The following GARNL3 variants were observed in gnomAD, a reference collection of about 807,000 sequenced individuals.
GARNL3 encodes the protein GTPase activating Rap/RanGAP domain like 3, also known as GTPase-activating Rap/Ran-GAP domain-like protein 3.
Under a neutral mutation model 125.0 loss-of-function variants are expected in GARNL3, and 63 were observed. The ratio of observed to expected loss-of-function variants is 0.50; its 90% CI spans 0.41 to 0.62. GARNL3 has a LOEUF of 0.62. Among genes scored for constraint, GARNL3 ranks in the 20% least tolerant of loss-of-function variants. The pLI is 0.00. For missense variants in GARNL3, 994 were observed against 1,244.0 expected, an observed-to-expected ratio of 0.80 and a Z score of 3.02; for synonymous variants, 439 against 457.5, an observed-to-expected ratio of 0.96 and a Z score of 0.52.
At chr9:127,275,641 A>T (rs562410350) in intron 1 of GARNL3, among the ~76,000 whole-genome samples, 22 of 152,216 alleles carry the variant, frequency 1.4e-4, no homozygotes, top group Non-Finnish European at 2.5e-4. Flanking sequence ...TTATATCACT[A>T]ATCAAATTTA....
chr9:127,235,968 C>G (rs2063105841), intron 1 of GARNL3, among the ~76,000 whole-genome samples: 1 of 152,078 alleles, frequency 6.6e-6, no homozygotes, highest in African/African-American at 2.4e-5. Flanking sequence ...ATGTTTATAT[C>G]TGATGGAAGT....
At chr9:127,307,927 T>G (rs572200087) in intron 2 of GARNL3, among the ~76,000 whole-genome samples, 2 of 152,352 alleles carry the variant, frequency 1.3e-5, no homozygotes, top group South Asian at 4.1e-4. Context: ...GCCAGCTTCC[T>G]TGGCTGGACT....
At chr9:127,297,503 A>G (rs146244979) in intron 2 of GARNL3, among the ~76,000 whole-genome samples, 379 of 152,186 alleles carry the variant, frequency 2.5e-3, no homozygotes, top group African/African-American at 8.8e-3. Context: ...ACATTTTCCT[A>G]TAGTATAACA....
Position 127,387,196 on chromosome 9 carries a change from G to A in GARNL3, c.2392G>A (p.Asp798Asn). The part of the protein sequence containing the change: ...PQLQLVASRS[D>N]IYFTATAAVN... Reference sequence around the variant, plus strand: ...AATGCTCTCTCTTCCTTTCTAGTCGGATATATACTTCACAGCAACTGCAGC... The same window carrying A: ...AATGCTCTCTCTTCCTTTCTAGTCGAATATATACTTCACAGCAACTGCAGC... Residue 798 changes from aspartate (D) to asparagine (N), a missense_variant, in exon 25 of 28, where the codon GAT becomes AAT. By Grantham distance (23) the Asp-to-Asn change is conservative. Around this residue, in one of 5 missense-constraint regions of GARNL3, gnomAD observed 728 missense variants for 865.7 expected, o/e 0.84. Transcript: ENST00000373387. The A allele has an allele frequency of 6.2e-7, 1 of 1,613,010 alleles. No individual in the cohort carries two copies. Among genetic ancestry groups the A allele is most frequent in the African/African-American group, 1.3e-5 (1 of 74,912 alleles).
At chr9:127,354,003 C>G in intron 18 of GARNL3, 59 bp downstream of exon 18, 1 of 1,135,920 alleles carries the variant, frequency 8.8e-7, no homozygotes, top group Non-Finnish European at 1.3e-6. Context: ...CCTTCTGCGG[C>G]CCACACCACA....
At chr9:127,232,275 T>A (rs1401101744) in intron 1 of GARNL3, among the ~76,000 whole-genome samples, 1 of 152,180 alleles carries the variant, frequency 6.6e-6, no homozygotes, top group African/African-American at 2.4e-5. Context: ...CTCCTTCAGC[T>A]ACTGAAGCAG....
Position 127,392,989 on chromosome 9 carries a change from C to G in GARNL3, c.2871-94C>G. On this transcript the variant is annotated intron_variant, in intron 27 of 27. Coordinates refer to ENST00000373387, the MANE Select transcript of GARNL3 (RefSeq NM_032293.5). This position sits in a 1 kb window ranked among gnomAD's most constrained non-coding sequence, Gnocchi z 5.2. ...CAGTGAGGGTTTGGTGAGCCAAACT[C>G]ATGAGCTCAGATGAGCAGGAAATTG... 1 of 1,052,584 alleles carries G rather than the reference C, an allele frequency of 9.5e-7. No individual in the cohort carries two copies. Among genetic ancestry groups the G allele is most frequent in the Non-Finnish European group, 1.4e-6 (1 of 718,374 alleles). 65.2% of individuals were successfully genotyped at this position (1,052,584 alleles called of 1,614,324 possible). A position where few individuals can be genotyped will look rare whatever the true frequency, so the allele number is the denominator to read the frequency against.
intron 5 of GARNL3, 51 bp downstream of exon 5, chr9:127,318,178 C>A: frequency 9.4e-7 from 1 of 1,068,974 alleles, no homozygotes; most frequent in Non-Finnish European, 1.5e-6. Flanking sequence ...GCCCTTTATA[C>A]ACTGTTTTTG....
chr9:127,294,423 C>A (rs2064522067), intron 2 of GARNL3, among the ~76,000 whole-genome samples: 2 of 152,142 alleles, frequency 1.3e-5, no homozygotes, highest in Admixed American at 1.3e-4. Flanking sequence ...TCTGCCTCAG[C>A]CTCCCAAGTA....
At chr9:127,374,287 G>A (rs545425239) in intron 22 of GARNL3, among the ~76,000 whole-genome samples, 11 of 151,164 alleles carry the variant, frequency 7.3e-5, no homozygotes, top group Non-Finnish European at 1.5e-4. Flanking sequence ...GGCAACAAGA[G>A]CAAAACTCTG....
In GARNL3 at chr9:127,264,825, G is replaced by C. The variant is rs2063667271; in HGVS notation, c.-53G>C. Reference sequence around the variant, plus strand: ...GTGTCTGTTGCAAGGAGGCTCCCCTGCAGTGAGGAGCCGGGGCACTGCAAG... The same window carrying C: ...GTGTCTGTTGCAAGGAGGCTCCCCTCCAGTGAGGAGCCGGGGCACTGCAAG... On this transcript the variant is annotated 5_prime_UTR_variant, in exon 1 of 28. Coordinates refer to ENST00000373387, the MANE Select transcript of GARNL3 (RefSeq NM_032293.5). 5 of 1,457,986 alleles carry C rather than the reference G, an allele frequency of 3.4e-6. No individual in the cohort carries two copies. Among genetic ancestry groups the C allele is most frequent in the Non-Finnish European group, 3.7e-6 (4 of 1,092,014 alleles). The allele number at this position is 1,457,986 out of a possible 1,614,324, so 90.3% of individuals were successfully genotyped here. A position where few individuals can be genotyped will look rare whatever the true frequency, so the allele number is the denominator to read the frequency against.
chr9:127,315,318 C>T (rs1437899043), intron 4 of GARNL3, among the ~76,000 whole-genome samples: 1 of 152,174 alleles, frequency 6.6e-6, no homozygotes, highest in Non-Finnish European at 1.5e-5. Context: ...TGCCAGCACA[C>T]ATCTTCTAGG....
intron 2 of GARNL3, among the ~76,000 whole-genome samples, chr9:127,245,919 A>G (rs1437182667): frequency 6.6e-6 from 1 of 151,692 alleles, no homozygotes; most frequent in Non-Finnish European, 1.5e-5. Flanking sequence ...CAGGAGAAAA[A>G]TATTTATGGG....
chr9:127,373,385 T>C (rs1831711186), intron 22 of GARNL3, among the ~76,000 whole-genome samples: 1 of 152,220 alleles, frequency 6.6e-6, no homozygotes, highest in Non-Finnish European at 1.5e-5. Context: ...TAGGTGGTGC[T>C]ATAACTTTAA....
In GARNL3 at chr9:127,329,665, G is replaced by T. The variant is rs192593536; in HGVS notation, c.595-2609G>T. On this transcript the variant is annotated intron_variant, in intron 7 of 27. Transcript: ENST00000373387. Reference sequence around the variant, plus strand: ...GTGGTAGTAGGCCCCATCTCTGCTTGTACATCTCAGTTTCACTTGAAACTT... The same window carrying T: ...GTGGTAGTAGGCCCCATCTCTGCTTTTACATCTCAGTTTCACTTGAAACTT... Among the ~76,000 whole-genome samples the T allele has an allele frequency of 3.3e-5, 5 of 152,010 alleles. No homozygotes were observed. The East Asian group carries it at 9.7e-4, about 30-fold the overall frequency.
At chr9:127,273,295 T>C (rs2063869355) in intron 1 of GARNL3, among the ~76,000 whole-genome samples, 1 of 152,254 alleles carries the variant, frequency 6.6e-6, no homozygotes, top group East Asian at 1.9e-4. Flanking sequence ...AAGCCCATGC[T>C]CTTAAAGCCC....
At chr9:127,258,528 A>G (rs2063530492) in intron 2 of GARNL3, among the ~76,000 whole-genome samples, 1 of 152,228 alleles carries the variant, frequency 6.6e-6, no homozygotes, top group South Asian at 2.1e-4. Context: ...AGTCCCAGCT[A>G]TTTGAGAGGC....
intron 11 of GARNL3, 123 bp from the exon 12 acceptor site, chr9:127,337,993 G>A (rs975126797): frequency 5.2e-6 from 4 of 762,926 alleles, no homozygotes; most frequent in Admixed American, 3.8e-5. Flanking sequence ...CAACCTAAGA[G>A]TGATAGGTGC....
intron 2 of GARNL3, among the ~76,000 whole-genome samples, chr9:127,258,223 T>C (rs1027466145): frequency 6.6e-6 from 1 of 152,190 alleles, no homozygotes; most frequent in African/African-American, 2.4e-5. Context: ...TCTGGAGAGT[T>C]AGAAGAATCA....
Sources: gnomAD v4.1 joint callset for allele counts (sites outside exome capture counted in the v4.1 genomes callset) on GRCh38, gnomAD v4.1.1 for gene constraint, gnomAD v4.1.1 regional missense constraint, Gnocchi (gnomAD v3.1) non-coding constraint, MANE v1.5 for transcripts, NCBI Gene and HGNC (gene_info 2026-07-23, HGNC 2026-07-21) for gene names.